ZNF124: variants seen among roughly 807,000 people sequenced by gnomAD.
ZNF124 encodes zinc finger protein HZF-16.
ZNF124 carries 25 observed loss-of-function variants against 26.6 expected under a neutral mutation model. The observed-to-expected ratio is 0.94, with a 90% confidence interval of 0.68 to 1.31. ZNF124 has a LOEUF of 1.31. Among genes scored for constraint, ZNF124 ranks in the 40% most tolerant of loss-of-function variants. The pLI, the probability that ZNF124 is intolerant of heterozygous loss-of-function variation, is 0.00. For missense variants in ZNF124, 444 were observed against 422.2 expected (o/e 1.05, Z -0.45); for synonymous variants, 129 against 133.3 (o/e 0.97, Z 0.22).
In ZNF124 at chr1:247,132,852, G is replaced by A. The variant is rs1323803470; in HGVS notation, c.219-8981C>T. On this transcript the variant is annotated intron_variant, in intron 3 of 3. Coordinates refer to the ZNF124 transcript ENST00000472531. ...GCTCAATCAATCACGACCTTCTCAC[G>A]CAGACCCCCTTAGAGTTGTGAGCCC... Among the ~76,000 whole-genome samples, 7 of 152,176 alleles carry A rather than the reference G, an allele frequency of 4.6e-5. No homozygotes were observed. The East Asian group carries it at 5.8e-4, about 13-fold the overall frequency.
chr1:247,127,876 C>CTT (rs1461613797), intron 3 of ZNF124, among the ~76,000 whole-genome samples: 1 of 151,776 alleles, frequency 6.6e-6, no homozygotes, highest in Non-Finnish European at 1.5e-5. Flanking sequence ...AACTCGGTGT[C>CTT]TGAGGGGTTT....
At chr1:247,151,372 G>A (rs1316382308), downstream of ZNF124, among the ~76,000 whole-genome samples, 4 of 151,994 alleles carry the variant, frequency 2.6e-5, no homozygotes, top group African/African-American at 7.2e-5. Context: ...CCAGCTACTC[G>A]GGAGGCTGAG....
intron 3 of ZNF124, among the ~76,000 whole-genome samples, chr1:247,148,776 C>T (rs184738878): frequency 5.3e-5 from 8 of 150,842 alleles, no homozygotes; most frequent in Admixed American, 1.3e-4. Flanking sequence ...CTGGCTAACA[C>T]GGTGAAACCC....
chr1:247,125,967 C>A (rs1392800667), intron 3 of ZNF124, among the ~76,000 whole-genome samples: 1 of 132,362 alleles, frequency 7.6e-6, no homozygotes, highest in Non-Finnish European at 1.6e-5. Flanking sequence ...ATATAAAATT[C>A]TAGAAAATGT....
At chr1:247,125,470 A>C (rs1672192259) in intron 3 of ZNF124, among the ~76,000 whole-genome samples, 1 of 60,312 alleles carries the variant, frequency 1.7e-5, no homozygotes, top group African/African-American at 6.3e-5. Flanking sequence ...TTTGAGGCAG[A>C]GTTTCCTCTT....
chr1:247,163,188 T>A (rs988315552), intron 1 of ZNF124, among the ~76,000 whole-genome samples: 1 of 151,778 alleles, frequency 6.6e-6, no homozygotes, highest in African/African-American at 2.4e-5. Flanking sequence ...AATGCCCACA[T>A]CAAAAACTTT....
intron 3 of ZNF124, among the ~76,000 whole-genome samples, chr1:247,135,728 AAAG>A (rs1672466921): frequency 2.0e-5 from 3 of 152,226 alleles, no homozygotes; most frequent in Admixed American, 6.5e-5. Flanking sequence ...CACAACAAAA[AAAG>A]AAGACTTCAG....
At chr1:247,130,232 T>C (rs1225751432) in intron 3 of ZNF124, among the ~76,000 whole-genome samples, 2 of 152,246 alleles carry the variant, frequency 1.3e-5, no homozygotes, top group African/African-American at 4.8e-5. Context: ...TATCTAGTCA[T>C]ATATTTCATT....
downstream of ZNF124, among the ~76,000 whole-genome samples, chr1:247,150,933 AAGAG>A (rs572983719): frequency 2.0e-3 from 310 of 152,148 alleles, 2 homozygotes; most frequent in African/African-American, 5.7e-3. Context: ...AAAATACAGA[AAGAG>A]AGAGACTGAG....
intron 3 of ZNF124, among the ~76,000 whole-genome samples, chr1:247,145,508 C>T (rs1672739955): frequency 6.6e-6 from 1 of 152,152 alleles, no homozygotes; most frequent in Non-Finnish European, 1.5e-5. Flanking sequence ...AAAAAGATCA[C>T]CTTTCACCAA....
At chr1:247,166,371 G>A (rs373970477) in intron 1 of ZNF124, among the ~76,000 whole-genome samples, 9 of 152,088 alleles carry the variant, frequency 5.9e-5, no homozygotes, top group South Asian at 4.2e-4. Flanking sequence ...GTATATATCC[G>A]AAGAAATAGA....
intron 3 of ZNF124, among the ~76,000 whole-genome samples, chr1:247,130,331 C>T (rs1221970800): frequency 6.6e-6 from 1 of 152,114 alleles, no homozygotes; most frequent in African/African-American, 2.4e-5. Context: ...TGGTTTCAAC[C>T]CGAATTCCAG....
At chr1:247,159,979 CTTTTT>C (rs1212199135) in intron 1 of ZNF124, 166 bp from the exon 2 acceptor site, 17,998 of 145,626 alleles carry the variant, frequency 0.12, 199 homozygotes, top group Non-Finnish European at 0.14. Context: ...CATAGCAGTT[CTTTTT>C]TTTTTTTTTT....
chr1:247,157,326 C>T lies in ZNF124; in HGVS notation c.296G>A (p.Cys99Tyr). Residue 99 changes from cysteine (C) to tyrosine (Y), a missense_variant, in exon 4 of 4, where the codon TGT becomes TAT. Coordinates refer to ENST00000543802, the MANE Select transcript of ZNF124 (RefSeq NM_001297568.2). ...CGKKPCTCKQ[C>Y]QKTSLSVTRV... ...TGTGACAGAAAGGGAAGTTTTCTGA[C>T]ATTGTTTACATGTACATGGCTTCTT... The T allele has an allele frequency of 6.4e-7, 1 of 1,572,762 alleles. No homozygotes were observed. The highest frequency in any genetic ancestry group is 1.1e-5 in the South Asian group (1 of 87,022).
chr1:247,160,004 T>TG, intron 1 of ZNF124, 191 bp from the exon 2 acceptor site: 1 of 485,184 alleles, frequency 2.1e-6, no homozygotes, highest in Non-Finnish European at 3.1e-6. Context: ...TTTTTTTTTT[T>TG]GAGACGGAGT....
chr1:247,137,456 A>G (rs1672510092), intron 3 of ZNF124, among the ~76,000 whole-genome samples: 2 of 133,256 alleles, frequency 1.5e-5, no homozygotes, highest in African/African-American at 5.9e-5. Flanking sequence ...AGCCTGGCCA[A>G]CATAGCGAAA....
intron 3 of ZNF124, among the ~76,000 whole-genome samples, chr1:247,124,366 G>A (rs995757957): frequency 6.6e-6 from 1 of 151,528 alleles, no homozygotes; most frequent in African/African-American, 2.4e-5. Context: ...ACCACATGTG[G>A]CTAATTTTGT....
Position 247,157,376 on chromosome 1 carries a change from G to GT in ZNF124, c.245dup (p.Asn82LysfsTer6). 6.4e-7 allele frequency: 1 copy of GT among 1,552,874 alleles called. No homozygotes were observed. Among genetic ancestry groups the GT allele is most frequent in the African/African-American group, 1.4e-5 (1 of 73,162 alleles). On this transcript the variant is annotated frameshift_variant, in exon 4 of 4. Transcript: ENST00000543802. LOFTEE classifies it high-confidence loss of function. ...TTCCGCATTCCTCACACCCATATGG[G>GT]TTGTTTCCAGAATGAGATATGATGT... is the stretch of plus-strand genomic sequence containing the variant.
chr1:247,145,667 C>T (rs541412668), intron 3 of ZNF124, among the ~76,000 whole-genome samples: 2 of 150,748 alleles, frequency 1.3e-5, no homozygotes, highest in African/African-American at 2.4e-5. Context: ...TCACTCCTGT[C>T]GCCCAAGCTG....
Sources: gnomAD v4.1 joint callset for allele counts (sites outside exome capture counted in the v4.1 genomes callset) on GRCh38, gnomAD v4.1.1 for gene constraint, MANE v1.5 for transcripts, NCBI Gene and HGNC (gene_info 2026-07-23, HGNC 2026-07-21) for gene names.